STIMATE: variants seen among roughly 807,000 people sequenced by gnomAD.
STIMATE encodes store-operated calcium entry regulator STIMATE.
Under a neutral mutation model 36.7 loss-of-function variants are expected in STIMATE, and 15 were observed. The ratio of observed to expected loss-of-function variants is 0.41; its 90% confidence interval spans 0.27 to 0.63. The LOEUF (loss-of-function observed/expected upper bound fraction) is 0.63. STIMATE is among the 20% of genes least tolerant of loss of function. STIMATE has a pLI of 0.32. For synonymous variants in STIMATE, 163 were observed against 162.3 expected, an observed-to-expected ratio of 1.00 and a Z score of -0.03; for missense variants, 305 against 397.3, an observed-to-expected ratio of 0.77 and a Z score of 1.98.
rs1415690677 is a variant in STIMATE at position 52,844,957 on chromosome 3, G to A, written c.428-16C>T. On this transcript the variant is annotated splice_polypyrimidine_tract_variant and intron_variant, in intron 4 of 7. Coordinates refer to ENST00000355083, the MANE Select transcript of STIMATE (RefSeq NM_198563.5). ...AGAGGGTCTCCTGCAGGGACAGGCG[G>A]GTGCTTAGTCACATGGGGCCCAGGC... The A allele has an allele frequency of 6.2e-7, 1 of 1,611,784 alleles. No homozygotes were observed. The highest frequency in any genetic ancestry group is 1.3e-5 in the African/African-American group (1 of 74,892).
chr3:52,895,117 A>C (rs1173478958), intron 1 of STIMATE, among the ~76,000 whole-genome samples: 1 of 152,218 alleles, frequency 6.6e-6, no homozygotes, highest in Non-Finnish European at 1.5e-5. Context: ...TCGCAGATGT[A>C]CTTCCTTAAG....
intron 7 of STIMATE, 53 bp downstream of exon 7, chr3:52,842,758 C>G (rs536209777): frequency 6.2e-7 from 1 of 1,610,976 alleles, no homozygotes; most frequent in East Asian, 2.2e-5. Context: ...CAGAGACCCC[C>G]TTGGGCCAGC....
At chr3:52,856,166 CAG>C (rs952603319) in intron 1 of STIMATE, among the ~76,000 whole-genome samples, 1 of 152,192 alleles carries the variant, frequency 6.6e-6, no homozygotes, top group East Asian at 1.9e-4. Context: ...CAAAGCATGG[CAG>C]AGTGTGTCTG....
At chr3:52,872,648 C>T (rs921783848) in intron 1 of STIMATE, among the ~76,000 whole-genome samples, 8 of 152,204 alleles carry the variant, frequency 5.3e-5, no homozygotes, top group Admixed American at 6.5e-5. Context: ...TTTTTTGAGA[C>T]GGAGTCTCGC....
At chr3:52,853,923 T>C (rs949798803) in intron 2 of STIMATE, among the ~76,000 whole-genome samples, 1 of 152,234 alleles carries the variant, frequency 6.6e-6, no homozygotes, top group African/African-American at 2.4e-5. Flanking sequence ...CTTGAAGAGC[T>C]GACTGTATCC....
chr3:52,895,995 C>T, intron 1 of STIMATE: 1 of 1,271,894 alleles, frequency 7.9e-7, no homozygotes, highest in Non-Finnish European at 1.0e-6. Context: ...AGAGAAAAAG[C>T]AAGGCAAGTT....
intron 2 of STIMATE, among the ~76,000 whole-genome samples, chr3:52,853,248 T>G (rs1701040248): frequency 6.6e-6 from 1 of 152,198 alleles, no homozygotes; most frequent in South Asian, 2.1e-4. Flanking sequence ...TAGAGAATGA[T>G]GCAGTCATAG....
chr3:52,870,291 T>G (rs913438337), intron 1 of STIMATE, among the ~76,000 whole-genome samples: 2 of 152,082 alleles, frequency 1.3e-5, no homozygotes, highest in South Asian at 4.2e-4. Context: ...ATCATTGCAG[T>G]AAGTTTGGAA....
intron 1 of STIMATE, among the ~76,000 whole-genome samples, chr3:52,865,858 G>A (rs1701299187): frequency 6.6e-6 from 1 of 152,126 alleles, no homozygotes; most frequent in Non-Finnish European, 1.5e-5. Context: ...AAGACATGCT[G>A]GACAACCACA....
chr3:52,847,619 G>GA, intron 4 of STIMATE: 1 of 1,044,054 alleles, frequency 9.6e-7, no homozygotes, highest in African/African-American at 3.6e-5. Flanking sequence ...AGAGAGCTGT[G>GA]GTACCTCTTC....
rs893517300 is a variant in STIMATE at position 52,869,991 on chromosome 3, C to A, written c.161-14547G>T. On this transcript the variant is annotated intron_variant, in intron 1 of 7. Transcript: ENST00000355083. ...TGCTTTGTACTTGGCAAGCACCATG[C>A]ACATGCTAGCAAGAAGCAGCAGCTA... is the stretch of plus-strand genomic sequence containing the variant. Among the ~76,000 whole-genome samples the A allele has an allele frequency of 4.6e-5, 7 of 152,216 alleles. 1 individual carries two copies. Among genetic ancestry groups the A allele is most frequent in the African/African-American group, 1.7e-4 (7 of 41,454 alleles).
In STIMATE at chr3:52,866,383, C is replaced by T. The variant is rs117934813; in HGVS notation, c.161-10939G>A. Among the ~76,000 whole-genome samples the T allele has an allele frequency of 3.9e-3, 587 of 152,322 alleles. 10 individuals are homozygous for T. The highest frequency in any genetic ancestry group is 0.02 in the East Asian group (105 of 5,174). On this transcript the variant is annotated intron_variant, in intron 1 of 7. Transcript: ENST00000355083. ...TGCCACCGTCTACCGCCTTGAGGGG[C>T]CTGGCAGGGCTCCCAGTCCCACCCC...
chr3:52,851,411 G>A (rs1430793289), intron 3 of STIMATE, among the ~76,000 whole-genome samples: 1 of 152,240 alleles, frequency 6.6e-6, no homozygotes, highest in African/African-American at 2.4e-5. Flanking sequence ...GAGACATTTT[G>A]TGTAGTCTCA....
chr3:52,851,265 G>A (rs1481397067), intron 3 of STIMATE, among the ~76,000 whole-genome samples: 3 of 152,216 alleles, frequency 2.0e-5, no homozygotes, highest in Non-Finnish European at 4.4e-5. Context: ...GCTCTCCATG[G>A]TAGACAGAGT....
chr3:52,871,457 G>A (rs1387223843), intron 1 of STIMATE, among the ~76,000 whole-genome samples: 1 of 152,068 alleles, frequency 6.6e-6, no homozygotes, highest in African/African-American at 2.4e-5. Flanking sequence ...GCCAGCACAC[G>A]ACCCTGGATT....
intron 1 of STIMATE, among the ~76,000 whole-genome samples, chr3:52,864,297 T>C (rs1240406168): frequency 6.6e-6 from 1 of 152,180 alleles, no homozygotes; most frequent in Non-Finnish European, 1.5e-5. Flanking sequence ...GGCTCAACAT[T>C]ATGTGGAAGC....
At chr3:52,884,415 T>G (rs938627724) in intron 1 of STIMATE, among the ~76,000 whole-genome samples, 1 of 152,000 alleles carries the variant, frequency 6.6e-6, no homozygotes, top group Non-Finnish European at 1.5e-5. Flanking sequence ...CCGGCTAATT[T>G]TTATACTTTT....
At chr3:52,850,689 G>A (rs9682819) in intron 3 of STIMATE, among the ~76,000 whole-genome samples, 135,477 of 152,226 alleles carry the variant, frequency 0.89, 62,193 homozygotes, top group Non-Finnish European at 1. Flanking sequence ...CATGGCCTTC[G>A]CCCATCCCCA....
At chr3:52,843,253 C>T (rs1031260054) in intron 6 of STIMATE, 24 of 462,274 alleles carry the variant, frequency 5.2e-5, no homozygotes, top group Admixed American at 4.3e-4. Context: ...TCTCTGGACA[C>T]GCGTTCCAGG....
Sources: allele counts gnomAD v4.1 joint callset (sites outside exome capture counted in the v4.1 genomes callset), GRCh38; gene constraint gnomAD v4.1.1; transcripts MANE v1.5; gene names NCBI Gene and HGNC (gene_info 2026-07-23, HGNC 2026-07-21).